Variants in LSS observed in about 807,000 individuals in gnomAD.
The protein encoded by LSS is lanosterol synthase, also known as 2,3-epoxysqualene-lanosterol cyclase.
LSS carries 90 observed loss-of-function variants against 110.3 expected under a neutral mutation model. That is an observed-to-expected ratio of 0.82 (90% CI 0.69 to 0.97). The LOEUF (loss-of-function observed/expected upper bound fraction) is 0.97. Ranked by LOEUF, LSS falls within the 50% of genes least tolerant of loss-of-function variation. The pLI is 0.00. For synonymous variants in LSS, 433 were observed against 400.0 expected (o/e 1.08, Z -0.98); for missense variants, 927 against 990.0 (o/e 0.94, Z 0.85).
In LSS at chr21:46,209,752, T is replaced by C. The variant is rs889679799; in HGVS notation, c.1195-127A>G. The C allele has an allele frequency of 2.8e-6, 2 of 726,068 alleles. No individual in the cohort carries two copies. The highest frequency in any genetic ancestry group is 3.5e-5 in the African/African-American group (2 of 56,614). 45.0% of individuals were successfully genotyped at this position (726,068 alleles called of 1,614,324 possible). A position where few individuals can be genotyped will look rare whatever the true frequency, so the allele number is the denominator to read the frequency against. ...GACCAGAATCAAACCAGCAGACATC[T>C]CCAGAGAGTGCCAGGGTCTCCTGCT... On this transcript the variant is annotated intron_variant, in intron 12 of 21. Coordinates refer to ENST00000397728, the MANE Select transcript of LSS (RefSeq NM_002340.6). This position sits in a 1 kb window ranked among gnomAD's most constrained non-coding sequence, Gnocchi z 4.4.
chr21:46,225,915 C>T (rs2080334094), intron 3 of LSS, among the ~76,000 whole-genome samples: 1 of 152,158 alleles, frequency 6.6e-6, no homozygotes, highest in African/African-American at 2.4e-5. Flanking sequence ...GTAGTGGTCC[C>T]CCGGGCCCAG....
At chr21:46,210,533 G>GCAC (rs1260073963) in intron 12 of LSS, among the ~76,000 whole-genome samples, 155 bp downstream of exon 12, 3 of 152,110 alleles carry the variant, frequency 2.0e-5, no homozygotes, top group Non-Finnish European at 2.9e-5. Flanking sequence ...CCCCTCCACA[G>GCAC]CACGACCCTC....
At chr21:46,228,003 G>C (rs558263803) in intron 2 of LSS, among the ~76,000 whole-genome samples, 248 of 152,270 alleles carry the variant, frequency 1.6e-3, no homozygotes, top group Non-Finnish European at 1.8e-3. Flanking sequence ...CCTGGGACTC[G>C]GGCCTCTCAA....
At chr21:46,205,768 A>G (rs1371216905) in intron 17 of LSS, 68 bp downstream of exon 17, 2 of 1,256,684 alleles carry the variant, frequency 1.6e-6, no homozygotes, top group African/African-American at 1.5e-5. Flanking sequence ...CGTGTCACAG[A>G]ATGATGCGTC....
At chr21:46,213,588 C>T (rs1019843092) in intron 10 of LSS, 150 bp downstream of exon 10, 6 of 661,066 alleles carry the variant, frequency 9.1e-6, no homozygotes, top group Admixed American at 2.3e-5. Context: ...CCCTCAGTGG[C>T]TTCCACAAGC....
chr21:46,202,943 G>A (rs968698548), intron 17 of LSS, among the ~76,000 whole-genome samples: 1 of 152,192 alleles, frequency 6.6e-6, no homozygotes, highest in South Asian at 2.1e-4. Context: ...GGAAGCCCGC[G>A]ATTAAGTCAC....
In LSS at chr21:46,216,290, C is replaced by T. The variant is rs1003267947; in HGVS notation, c.783+99G>A. ...CACAGGGCTCTCCGCTCCACAGGGC[C>T]ACCAGGTGAGTGGACAGGTGTGGTT... On this transcript the variant is annotated intron_variant, in intron 7 of 21. Transcript: ENST00000397728. The surrounding 1 kb of genome is among the most constrained non-coding windows in gnomAD (Gnocchi z 4.2). The T allele has an allele frequency of 4.0e-6, 6 of 1,494,422 alleles. No homozygotes were observed. The African/African-American group carries it at 5.5e-5, about 14-fold the overall frequency. 92.6% of individuals were successfully genotyped at this position (1,494,422 alleles called of 1,614,324 possible).
chr21:46,224,449 G>A (rs1006429350), intron 3 of LSS, among the ~76,000 whole-genome samples: 2 of 151,994 alleles, frequency 1.3e-5, no homozygotes, highest in Non-Finnish European at 2.9e-5. Context: ...TCTCATCGCC[G>A]CACACAGGGA....
chr21:46,200,583 G>A (rs2079966476), intron 17 of LSS, among the ~76,000 whole-genome samples: 1 of 151,718 alleles, frequency 6.6e-6, no homozygotes, highest in Admixed American at 6.6e-5. Flanking sequence ...AAACACTGAG[G>A]ATATTCTACA....
chr21:46,206,298 G>T (rs770823535), intron 16 of LSS, among the ~76,000 whole-genome samples: 3 of 152,148 alleles, frequency 2.0e-5, no homozygotes, highest in Non-Finnish European at 4.4e-5. Context: ...TACTGCCCAT[G>T]GCATGGGTCC....
At chr21:46,217,760 A>G (rs917317599) in intron 6 of LSS, among the ~76,000 whole-genome samples, 2 of 151,608 alleles carry the variant, frequency 1.3e-5, no homozygotes, top group Non-Finnish European at 2.9e-5. Context: ...TGGAACCCAC[A>G]CCCCTCCTGC....
At chr21:46,222,503 A>T in intron 4 of LSS, 127 bp downstream of exon 4, 1 of 758,672 alleles carries the variant, frequency 1.3e-6, no homozygotes, top group South Asian at 1.7e-5. Context: ...TCTCTCCCTC[A>T]CCCACCCCAC....
intron 5 of LSS, chr21:46,220,205 A>C (rs1431478027): frequency 4.6e-5 from 7 of 152,390 alleles, no homozygotes; most frequent in African/African-American, 1.7e-4. Context: ...ATAAAGACCC[A>C]CAAAGCTACT....
rs538487837 is a variant in LSS, at chr21:46,206,710, C to T, written c.1526G>A (p.Gly509Glu). ...GFATYETKRG[G>E]HLLELLNPSE... is the part of the protein sequence containing the mutation. The stretch of plus-strand genomic sequence containing the variant: ...GGGGTTCAGCAGCTCCAGCAAGTGC[C>T]CCCCACGCTTGGTCTCATAGGTGGC... The change falls in exon 16 of 22, where the codon GGG (glycine) becomes GAG (glutamate). Residue 509 changes from glycine to glutamate, a missense_variant. By Grantham distance (98) the Gly-to-Glu change is moderately conservative. Coordinates refer to ENST00000397728, the MANE Select transcript of LSS (RefSeq NM_002340.6). 2 of 1,613,098 alleles carry T rather than the reference C, an allele frequency of 1.2e-6. No homozygotes were observed. Among genetic ancestry groups the T allele is most frequent in the Non-Finnish European group, 8.5e-7 (1 of 1,179,988 alleles).
chr21:46,205,879 AC>A lies in LSS; in HGVS notation c.1626del (p.Lys542AsnfsTer23). 6.2e-7 allele frequency: 1 copy of A among 1,611,172 alleles called. No homozygotes were observed. Among genetic ancestry groups the A allele is most frequent in the Non-Finnish European group, 8.5e-7 (1 of 1,178,890 alleles). On this transcript the variant is annotated frameshift_variant, in exon 17 of 22. Coordinates refer to ENST00000397728, the MANE Select transcript of LSS (RefSeq NM_002340.6). LOFTEE classifies it high-confidence loss of function. ...ECTSAVMQAL[K>X]YFHKRFPEHR... ...TGCTCCGGGAAACGCTTGTGGAAATACTTAAGCGCCTGCATCACGGCTGAGG... is the reference window on the plus strand; with the variant it reads ...TGCTCCGGGAAACGCTTGTGGAAATATTAAGCGCCTGCATCACGGCTGAGG...
At chr21:46,195,062 G>A (rs1007480499) in intron 19 of LSS, among the ~76,000 whole-genome samples, 6 of 152,156 alleles carry the variant, frequency 3.9e-5, no homozygotes, top group Non-Finnish European at 7.3e-5. Flanking sequence ...GAGAGAGTCC[G>A]GCGGCTGGAG....
In LSS at chr21:46,209,866, C is replaced by A. The variant is rs997241973; in HGVS notation, c.1195-241G>T. On this transcript the variant is annotated intron_variant, in intron 12 of 21. Coordinates refer to ENST00000397728, the MANE Select transcript of LSS (RefSeq NM_002340.6). The surrounding 1 kb of genome is among the most constrained non-coding windows in gnomAD (Gnocchi z 4.4). ...AGGAGACCATTTATGGATGCCAGCA[C>A]CCCCCTGCCTGGCCAGCATCCATGC... 4.6e-5 allele frequency among the ~76,000 whole-genome samples: 7 copies of A among 152,150 alleles called. No homozygotes were observed. Among genetic ancestry groups the A allele is most frequent in the South Asian group, 2.1e-4 (1 of 4,832 alleles).
At position 46,191,189 on chromosome 21, in the gene LSS, G is replaced by A. The variant is rs746562872; in HGVS notation, c.2114C>T (p.Thr705Met). Residue 705 changes from threonine (T) to methionine (M), a missense_variant, in exon 22 of 22, where the codon ACG (threonine) becomes ATG (methionine). By Grantham distance (81) the Thr-to-Met change is moderately conservative. Coordinates refer to ENST00000397728, the MANE Select transcript of LSS (RefSeq NM_002340.6). ...VFNKSCAISY[T>M]SYRNIFPIWA... ...GATGGGGAAGATGTTCCTGTAGCTC[G>A]TGTAGGAGATGGCACAGGACTTGTT... 46 of 1,613,984 alleles carry A rather than the reference G, an allele frequency of 2.9e-5. No homozygotes were observed. Among genetic ancestry groups the A allele is most frequent in the Admixed American group, 5.0e-5 (3 of 60,010 alleles).
chr21:46,214,034 A>G (rs999613178), intron 9 of LSS, among the ~76,000 whole-genome samples, 199 bp from the exon 10 acceptor site: 2 of 152,184 alleles, frequency 1.3e-5, no homozygotes, highest in African/African-American at 4.8e-5. Flanking sequence ...GACCCAACTC[A>G]GACAGAGGCA....
Sources: allele counts gnomAD v4.1 joint callset (sites outside exome capture counted in the v4.1 genomes callset), GRCh38; gene constraint gnomAD v4.1.1; non-coding constraint Gnocchi (gnomAD v3.1); transcripts MANE v1.5; gene names NCBI Gene and HGNC (gene_info 2026-07-23, HGNC 2026-07-21).